SND1: variants seen among roughly 807,000 people sequenced by gnomAD.
The protein encoded by SND1 is staphylococcal nuclease domain-containing protein 1.
Under a neutral mutation model 121.7 loss-of-function variants are expected in SND1, and 38 were observed. That is an observed-to-expected ratio of 0.31 (90% CI 0.24 to 0.41). The LOEUF is 0.41. Ranked by LOEUF, SND1 falls within the 10% of genes least tolerant of loss-of-function variation. SND1 has a pLI of 1.00. For missense variants in SND1, 868 were observed against 1,184.6 expected, an observed-to-expected ratio of 0.73 and a Z score of 3.92; for synonymous variants, 401 against 447.4, an observed-to-expected ratio of 0.90 and a Z score of 1.31.
intron 10 of SND1, among the ~76,000 whole-genome samples, chr7:127,724,050 A>G (rs1344778574): frequency 6.6e-6 from 1 of 152,226 alleles, no homozygotes; most frequent in Admixed American, 6.5e-5. Flanking sequence ...GCACAGCTTT[A>G]GAAATTTGCA....
At chr7:127,829,659 A>G (rs1355308430) in intron 11 of SND1, among the ~76,000 whole-genome samples, 2 of 152,206 alleles carry the variant, frequency 1.3e-5, no homozygotes, top group Admixed American at 1.3e-4. Context: ...TCAAAAGTAC[A>G]CCGTAGTGGA....
chr7:127,837,145 G>A (rs959595940), intron 11 of SND1, among the ~76,000 whole-genome samples: 2 of 151,992 alleles, frequency 1.3e-5, no homozygotes, highest in African/African-American at 4.8e-5. Context: ...TAAAACATAC[G>A]TTCACAGGGA....
At chr7:127,823,466 G>A (rs1265371601) in intron 11 of SND1, among the ~76,000 whole-genome samples, 1 of 152,060 alleles carries the variant, frequency 6.6e-6, no homozygotes, top group Non-Finnish European at 1.5e-5. Context: ...GAATTGGCGG[G>A]ACATCTCAGG....
intron 10 of SND1, among the ~76,000 whole-genome samples, chr7:127,773,546 A>C (rs1326158816): frequency 6.6e-6 from 1 of 152,180 alleles, no homozygotes; most frequent in Non-Finnish European, 1.5e-5. Context: ...TTAGGAAAAA[A>C]AAAAGAAAAG....
chr7:127,759,037 T>A (rs1797249335), intron 10 of SND1, among the ~76,000 whole-genome samples: 1 of 144,770 alleles, frequency 6.9e-6, no homozygotes, highest in Admixed American at 6.9e-5. Flanking sequence ...CTGGGCGACA[T>A]AGCAAGATGC....
intron 11 of SND1, among the ~76,000 whole-genome samples, chr7:127,816,984 G>A (rs1267358306): frequency 1.3e-5 from 2 of 152,118 alleles, no homozygotes; most frequent in Non-Finnish European, 2.9e-5. Flanking sequence ...TATTCATTCA[G>A]CAGATATTTT....
intron 10 of SND1, among the ~76,000 whole-genome samples, chr7:127,767,133 G>A (rs1797437236): frequency 6.6e-6 from 1 of 152,010 alleles, no homozygotes; most frequent in Admixed American, 6.6e-5. Context: ...TCTCATTTTT[G>A]TTCATTTGTT....
At chr7:128,030,598 T>G in intron 16 of SND1, 2 of 1,593,416 alleles carry the variant, frequency 1.3e-6, no homozygotes, top group South Asian at 2.3e-5. Flanking sequence ...AGGATGGCAT[T>G]CCAGGTGTGG....
intron 14 of SND1, among the ~76,000 whole-genome samples, chr7:127,916,051 T>G (rs1800571042): frequency 6.9e-6 from 1 of 144,772 alleles, no homozygotes; most frequent in African/African-American, 2.5e-5. Flanking sequence ...TGTATATGTA[T>G]ACATATATAT....
chr7:127,970,165 A>C (rs953664934), intron 15 of SND1, among the ~76,000 whole-genome samples: 11 of 152,230 alleles, frequency 7.2e-5, no homozygotes, highest in Non-Finnish European at 7.3e-5. Context: ...ATCATAGTCT[A>C]TCAGATTATC....
chr7:127,938,742 TC>T (rs1484475083), intron 15 of SND1, among the ~76,000 whole-genome samples: 1 of 152,246 alleles, frequency 6.6e-6, no homozygotes, highest in African/African-American at 2.4e-5. Context: ...CCTTCAGCTC[TC>T]CGTCTATGCA....
chr7:127,712,630 C>T (rs563719163), intron 9 of SND1, among the ~76,000 whole-genome samples: 128 of 152,156 alleles, frequency 8.4e-4, no homozygotes, highest in Non-Finnish European at 1.6e-3. Flanking sequence ...TGTGTTTTCT[C>T]GCCACTGTCT....
chr7:127,950,647 C>G (rs568021561), intron 15 of SND1, among the ~76,000 whole-genome samples: 2 of 152,190 alleles, frequency 1.3e-5, no homozygotes, highest in Non-Finnish European at 2.9e-5. Context: ...CATTCCCTCC[C>G]TCCTGCCCAG....
At chr7:127,764,201 A>G (rs941511738) in intron 10 of SND1, among the ~76,000 whole-genome samples, 4 of 152,216 alleles carry the variant, frequency 2.6e-5, no homozygotes, top group Non-Finnish European at 5.9e-5. Context: ...TAGCGATTTC[A>G]TAAGAGCAAA....
chr7:127,916,595 A>G (rs1450467964), intron 14 of SND1, among the ~76,000 whole-genome samples: 1 of 152,174 alleles, frequency 6.6e-6, no homozygotes, highest in Non-Finnish European at 1.5e-5. Context: ...TTACGTATGG[A>G]TGGGGAGTGT....
chr7:127,739,320 TTCTA>T (rs1420906862), intron 10 of SND1, among the ~76,000 whole-genome samples: 1 of 152,216 alleles, frequency 6.6e-6, no homozygotes, highest in Non-Finnish European at 1.5e-5. Flanking sequence ...TAGGCGCTCT[TTCTA>T]TATGCCCTTT....
At position 127,669,789 on chromosome 7, in the gene SND1, A is replaced by ACAGC. The variant is rs369990317; in HGVS notation, c.79-16822_79-16819dup. On this transcript the variant is annotated intron_variant, in intron 1 of 23. Transcript: ENST00000354725. ...CTGTTACCTTTGCATTTTGATCCAGACAGCCTGCATTTTAGAGAAGATCAA... is the reference window on the plus strand; with the variant it reads ...CTGTTACCTTTGCATTTTGATCCAGACAGCCAGCCTGCATTTTAGAGAAGATCAA... 9.4e-4 allele frequency among the ~76,000 whole-genome samples: 143 copies of ACAGC among 152,322 alleles called. 1 individual carries two copies. Among genetic ancestry groups the ACAGC allele is most frequent in the Middle Eastern group, 3.4e-3 (1 of 294 alleles).
At chr7:128,066,356 C>A (rs1309323255) in intron 16 of SND1, among the ~76,000 whole-genome samples, 1 of 152,246 alleles carries the variant, frequency 6.6e-6, no homozygotes, top group Non-Finnish European at 1.5e-5. Flanking sequence ...GCATTCCTAG[C>A]ACTCCAATGC....
At chr7:127,951,993 G>C (rs993438009) in intron 15 of SND1, among the ~76,000 whole-genome samples, 1 of 152,058 alleles carries the variant, frequency 6.6e-6, no homozygotes, top group African/African-American at 2.4e-5. Flanking sequence ...TTTTCCCAGA[G>C]CAGAATAAGC....
Sources: gnomAD v4.1 joint callset for allele counts (sites outside exome capture counted in the v4.1 genomes callset) on GRCh38, gnomAD v4.1.1 for gene constraint, MANE v1.5 for transcripts, NCBI Gene and HGNC (gene_info 2026-07-23, HGNC 2026-07-21) for gene names.